Variants in CCDC178 observed in about 807,000 individuals in gnomAD.
CCDC178 encodes the protein coiled-coil domain-containing protein 178.
A neutral mutation model predicts 117.4 loss-of-function variants in CCDC178; 126 were observed. The ratio of observed to expected loss-of-function variants is 1.07; its 90% confidence interval spans 0.93 to 1.24. CCDC178 has a LOEUF of 1.24. CCDC178 is among the 50% of genes most tolerant of loss of function. The pLI is 0.00. For synonymous variants in CCDC178, 283 were observed against 313.4 expected, an observed-to-expected ratio of 0.90 and a Z score of 1.02; for missense variants, 1,030 against 986.9, an observed-to-expected ratio of 1.04 and a Z score of -0.59.
chr18:33,167,997 G>T (rs554004208), intron 20 of CCDC178, among the ~76,000 whole-genome samples: 1 of 152,118 alleles, frequency 6.6e-6, no homozygotes, highest in East Asian at 1.9e-4. Flanking sequence ...ACCTTTGTTG[G>T]ATGTATAGTT....
chr18:33,432,219 G>A (rs575718629), intron 2 of CCDC178, among the ~76,000 whole-genome samples: 9 of 152,158 alleles, frequency 5.9e-5, no homozygotes, highest in African/African-American at 2.2e-4. Context: ...ATTGTCTGAG[G>A]GTAAATTTGC....
intron 21 of CCDC178, among the ~76,000 whole-genome samples, chr18:33,033,160 G>T (rs921425079): frequency 3.9e-5 from 6 of 151,908 alleles, no homozygotes; most frequent in Non-Finnish European, 8.8e-5. Flanking sequence ...ACAAATAAAA[G>T]AATTGTATCA....
chr18:33,064,278 C>T (rs540418676), intron 21 of CCDC178, among the ~76,000 whole-genome samples: 1 of 152,054 alleles, frequency 6.6e-6, no homozygotes, highest in East Asian at 1.9e-4. Flanking sequence ...TACAAGAGAA[C>T]ATAAGTAAGC....
At chr18:33,109,209 C>T (rs1281800726) in intron 20 of CCDC178, among the ~76,000 whole-genome samples, 3 of 151,644 alleles carry the variant, frequency 2.0e-5, no homozygotes, top group African/African-American at 4.8e-5. Context: ...TACTAACCCA[C>T]TATTACAAAT....
intron 21 of CCDC178, among the ~76,000 whole-genome samples, chr18:32,995,277 C>CT: frequency 6.6e-6 from 1 of 152,118 alleles, no homozygotes; most frequent in Non-Finnish European, 1.5e-5. Context: ...TGGCTTTCTT[C>CT]TTTTTACAGA....
chr18:33,072,104 A>G (rs1408972429), intron 21 of CCDC178, among the ~76,000 whole-genome samples: 1 of 152,152 alleles, frequency 6.6e-6, no homozygotes, highest in Non-Finnish European at 1.5e-5. Flanking sequence ...GTTAATTATC[A>G]TTAAGATACT....
intron 11 of CCDC178, among the ~76,000 whole-genome samples, chr18:33,312,819 T>A (rs1025769153): frequency 2.0e-5 from 3 of 152,176 alleles, no homozygotes; most frequent in Non-Finnish European, 4.4e-5. Flanking sequence ...CCACATAATG[T>A]TGAAGATGTT....
chr18:33,440,495 C>T (rs977298999), intron 1 of CCDC178, 158 bp downstream of exon 1: 1 of 152,032 alleles, frequency 6.6e-6, no homozygotes, highest in African/African-American at 2.4e-5. Context: ...GGGTGAAGAA[C>T]TAGTCGACTC....
At chr18:33,290,222 T>C (rs2060150408) in intron 12 of CCDC178, among the ~76,000 whole-genome samples, 2 of 152,176 alleles carry the variant, frequency 1.3e-5, no homozygotes, top group Non-Finnish European at 2.9e-5. Context: ...AAATGAAATA[T>C]TTATGCAAAT....
At chr18:33,019,377 G>A (rs906700567) in intron 21 of CCDC178, among the ~76,000 whole-genome samples, 5 of 152,066 alleles carry the variant, frequency 3.3e-5, no homozygotes, top group Non-Finnish European at 7.4e-5. Context: ...ATATCAGGCT[G>A]CCATATGGAA....
In CCDC178 at chr18:33,034,091, T is replaced by A. The variant is rs141069894; in HGVS notation, c.2388+58670A>T. On this transcript the variant is annotated intron_variant, in intron 21 of 22. Coordinates refer to ENST00000383096, the MANE Select transcript of CCDC178 (RefSeq NM_001105528.4). ...CCTGTCTTTTAGAAAATCACCTGTG[T>A]CCCAAGCAAGAAACCTTGGAGTCAT... Among the ~76,000 whole-genome samples the A allele has an allele frequency of 2.9e-3, 448 of 152,110 alleles. 3 individuals carry two copies. The highest frequency in any genetic ancestry group is 0.01 in the African/African-American group (425 of 41,530).
intron 20 of CCDC178, among the ~76,000 whole-genome samples, chr18:33,179,866 T>C (rs1568037680): frequency 6.6e-6 from 1 of 152,054 alleles, no homozygotes; most frequent in Non-Finnish European, 1.5e-5. Flanking sequence ...GTCTACAAAC[T>C]TCATGGACAT....
At chr18:33,357,270 T>C (rs2063070388) in intron 6 of CCDC178, among the ~76,000 whole-genome samples, 1 of 152,174 alleles carries the variant, frequency 6.6e-6, no homozygotes, top group Non-Finnish European at 1.5e-5. Flanking sequence ...CCATGGACCA[T>C]GGTTCTTAAC....
intron 11 of CCDC178, among the ~76,000 whole-genome samples, chr18:33,301,884 T>A (rs1181092495): frequency 4.6e-5 from 7 of 152,126 alleles, no homozygotes; most frequent in Non-Finnish European, 8.8e-5. Context: ...AGTTAAGACT[T>A]TTTTTTATTT....
chr18:33,168,266 T>G (rs2058557059), intron 20 of CCDC178, among the ~76,000 whole-genome samples: 2 of 152,172 alleles, frequency 1.3e-5, no homozygotes, highest in South Asian at 4.1e-4. Context: ...TTGTATATGA[T>G]GTAAGGAAGG....
chr18:33,370,049 C>T lies in CCDC178; in HGVS notation c.348+1G>A, dbSNP rs2063275018. The T allele has an allele frequency of 6.3e-7, 1 of 1,575,960 alleles. No individual in the cohort carries two copies. The highest frequency in any genetic ancestry group is 1.2e-5 in the South Asian group (1 of 85,334). ...ATCAGCATTTTAAATTAGTCTCTTA[C>T]CCTTTTCAAATGCTCCTGTATTTTG... On this transcript the variant is annotated splice_donor_variant, in intron 6 of 22. Coordinates refer to ENST00000383096, the MANE Select transcript of CCDC178 (RefSeq NM_001105528.4). LOFTEE classifies it high-confidence loss of function.
At chr18:33,139,324 G>A (rs1464178094) in intron 20 of CCDC178, among the ~76,000 whole-genome samples, 3 of 152,302 alleles carry the variant, frequency 2.0e-5, no homozygotes, top group Non-Finnish European at 4.4e-5. Flanking sequence ...TACCCAAAAT[G>A]TGGCAGCGAC....
intron 14 of CCDC178, among the ~76,000 whole-genome samples, chr18:33,261,782 C>T (rs1323001787): frequency 6.6e-6 from 1 of 152,030 alleles, no homozygotes; most frequent in Admixed American, 6.6e-5. Flanking sequence ...GTTACAACTG[C>T]AGTAAGACTT....
chr18:33,024,469 G>C (rs1320332228), intron 21 of CCDC178, among the ~76,000 whole-genome samples: 1 of 151,720 alleles, frequency 6.6e-6, no homozygotes, highest in Admixed American at 6.6e-5. Flanking sequence ...ACCGAATTAG[G>C]GTCCACCCAT....
Sources: allele counts gnomAD v4.1 joint callset (sites outside exome capture counted in the v4.1 genomes callset), GRCh38; gene constraint gnomAD v4.1.1; transcripts MANE v1.5; gene names NCBI Gene and HGNC (gene_info 2026-07-23, HGNC 2026-07-21).